The following GGTA1 variants were observed in gnomAD, a reference collection of about 807,000 sequenced individuals.
GGTA1 encodes glycoprotein alpha-galactosyltransferase 1 (inactive).
A neutral mutation model predicts 2.6 loss-of-function variants in GGTA1; 5 were observed. That is an observed-to-expected ratio of 1.92 (90% CI 1.00 to 4.04). GGTA1 has a LOEUF of 4.04. Ranked by LOEUF, GGTA1 falls within the 30% of genes most tolerant of loss-of-function variation. The pLI, the probability that GGTA1 is intolerant of heterozygous loss-of-function variation, is 0.00. For missense variants in GGTA1, 50 were observed against 16.7 expected (o/e 2.99, Z -3.47); for synonymous variants, 17 against 5.0 (o/e 3.38, Z -3.19).
chr9:121,456,847 T>G (rs1046005781), intron 5 of GGTA1, among the ~76,000 whole-genome samples: 1 of 152,146 alleles, frequency 6.6e-6, no homozygotes, highest in South Asian at 2.1e-4. Context: ...AATTTTTTAT[T>G]TTTTTGAAGA....
At position 121,460,140 on chromosome 9, in the gene GGTA1, G is replaced by T. The variant is rs532997022; in HGVS notation, c.262C>A (p.Gln88Lys). 10 of 456,690 alleles carry T rather than the reference G, an allele frequency of 2.2e-5. No homozygotes were observed. Among genetic ancestry groups the T allele is most frequent in the African/African-American group, 4.0e-5 (2 of 50,046 alleles). The allele number at this position is 456,690 out of a possible 1,614,324, so 28.3% of individuals were successfully genotyped here. A position where few individuals can be genotyped will look rare whatever the true frequency, so the allele number is the denominator to read the frequency against. Reference protein sequence around the residue: ...REETKGRKMTQQSFGYGTGLI... With the variant: ...REETKGRKMTKQSFGYGTGLI... ...CCAGTCCCATAGCCGAAGCTCTGTTGTGTCATTTTCCTTCCTTTGGTCTCC... is the reference window on the plus strand; with the variant it reads ...CCAGTCCCATAGCCGAAGCTCTGTTTTGTCATTTTCCTTCCTTTGGTCTCC... The change falls in exon 5 of 6, where the codon CAA becomes AAA. Residue 88 changes from glutamine (Q) to lysine (K), a missense_variant. By Grantham distance (53) the Gln-to-Lys change is moderately conservative (BLOSUM62 1). Transcript: ENST00000481799.
chr9:121,475,399 G>T (rs1481992081), intron 1 of GGTA1, among the ~76,000 whole-genome samples: 1 of 152,188 alleles, frequency 6.6e-6, no homozygotes. Flanking sequence ...TGCCTATGGA[G>T]CAGCCATTCT....
chr9:121,476,443 C>G lies in GGTA1; in HGVS notation c.-9-8512G>C, dbSNP rs1251202864. ...TTCTCTGGCCTCAGACTCCTTGGCC[C>G]AGAAACAAGTCCTTTGGAGCTAAGA... is the stretch of plus-strand genomic sequence containing the variant. On this transcript the variant is annotated intron_variant, in intron 1 of 5. Transcript: ENST00000481799. This position sits in a 1 kb window ranked among gnomAD's most constrained non-coding sequence, Gnocchi z 4.6. 1.3e-5 allele frequency among the ~76,000 whole-genome samples: 2 copies of G among 152,150 alleles called. No individual in the cohort carries two copies. Among genetic ancestry groups the G allele is most frequent in the African/African-American group, 4.8e-5 (2 of 41,434 alleles).
intron 1 of GGTA1, among the ~76,000 whole-genome samples, chr9:121,479,748 T>C (rs1224515224): frequency 2.0e-5 from 3 of 152,192 alleles, no homozygotes; most frequent in Non-Finnish European, 4.4e-5. Flanking sequence ...CAAAGGGCTA[T>C]CTTGAGAGTC....
chr9:121,484,550 C>G (rs1828718205), intron 1 of GGTA1, among the ~76,000 whole-genome samples: 2 of 152,166 alleles, frequency 1.3e-5, no homozygotes, highest in African/African-American at 4.8e-5. Flanking sequence ...TCCCAAAGTA[C>G]TGGGATTATA....
At chr9:121,498,209 G>A (rs780779499) in intron 1 of GGTA1, among the ~76,000 whole-genome samples, 4 of 152,238 alleles carry the variant, frequency 2.6e-5, no homozygotes, top group Non-Finnish European at 5.9e-5. Context: ...TGGCCCTTGA[G>A]GCAGGATGCC....
At chr9:121,454,079 C>T (rs1454889493), downstream of GGTA1, among the ~76,000 whole-genome samples, 1 of 152,126 alleles carries the variant, frequency 6.6e-6, no homozygotes, top group African/African-American at 2.4e-5. Flanking sequence ...GTCCAGATGG[C>T]AGACAGGGGA....
chr9:121,448,396 G>T (rs1201925519), intron 7 of GGTA1, among the ~76,000 whole-genome samples: 1 of 152,114 alleles, frequency 6.6e-6, no homozygotes, highest in Admixed American at 6.5e-5. Context: ...ATCTAGATCT[G>T]CCTTCATGTT....
chr9:121,489,060 A>G (rs1032677675), intron 1 of GGTA1, among the ~76,000 whole-genome samples: 10 of 152,176 alleles, frequency 6.6e-5, no homozygotes, highest in African/African-American at 2.4e-4. Flanking sequence ...TTGCATGTTA[A>G]ATTTTCAAGA....
At chr9:121,488,097 ATGTG>A (rs1024351765) in intron 1 of GGTA1, among the ~76,000 whole-genome samples, 1 of 139,308 alleles carries the variant, frequency 7.2e-6, no homozygotes, top group Non-Finnish European at 1.5e-5. Flanking sequence ...CAGGTTGTGG[ATGTG>A]TGTGTGTGTG....
intron 1 of GGTA1, among the ~76,000 whole-genome samples, chr9:121,469,166 A>G (rs1828325878): frequency 6.6e-6 from 1 of 152,202 alleles, no homozygotes. Flanking sequence ...GCCAGGAAGT[A>G]CTTTAATGTG....
intron 1 of GGTA1, among the ~76,000 whole-genome samples, chr9:121,484,214 T>C (rs1828710275): frequency 6.6e-6 from 1 of 152,122 alleles, no homozygotes; most frequent in African/African-American, 2.4e-5. Context: ...TAAAAAGGGT[T>C]AAAATAGTAA....
At chr9:121,478,286 G>T (rs1260880526) in intron 1 of GGTA1, among the ~76,000 whole-genome samples, 3 of 152,200 alleles carry the variant, frequency 2.0e-5, no homozygotes, top group Non-Finnish European at 4.4e-5. Context: ...GCATTTCCAG[G>T]CACCTTCTGT....
At chr9:121,466,953 C>CAAAAAAAAAA (rs397894554) in intron 2 of GGTA1, among the ~76,000 whole-genome samples, 1 of 99,970 alleles carries the variant, frequency 1.0e-5, no homozygotes. Flanking sequence ...GACTCTGTCT[C>CAAAAAAAAAA]AAAAAAAAAA....
At chr9:121,449,857 A>AAG (rs1554835875) in intron 7 of GGTA1, among the ~76,000 whole-genome samples, 6 of 151,324 alleles carry the variant, frequency 4.0e-5, no homozygotes, top group Non-Finnish European at 7.4e-5. Flanking sequence ...AAAAAAAAAA[A>AAG]AAGAAGAAGA....
downstream of GGTA1, among the ~76,000 whole-genome samples, chr9:121,454,565 A>C (rs2064895707): frequency 6.6e-6 from 1 of 152,206 alleles, no homozygotes. Context: ...GTAGGGGTTA[A>C]AGCTGGGATT....
At chr9:121,465,666 G>A (rs2065000521) in intron 2 of GGTA1, among the ~76,000 whole-genome samples, 1 of 152,178 alleles carries the variant, frequency 6.6e-6, no homozygotes, top group Non-Finnish European at 1.5e-5. Context: ...CAGCCAGGAA[G>A]AGCCCTCACT....
At chr9:121,464,003 C>T (rs1432998774) in intron 2 of GGTA1, among the ~76,000 whole-genome samples, 2 of 152,226 alleles carry the variant, frequency 1.3e-5, no homozygotes, top group Non-Finnish European at 2.9e-5. Flanking sequence ...GCCTAGCACG[C>T]ATAACCCTAC....
At chr9:121,461,145 A>C (rs767767907) in intron 4 of GGTA1, 107 bp downstream of exon 4, 4 of 379,252 alleles carry the variant, frequency 1.1e-5, no homozygotes, top group Non-Finnish European at 2.1e-5. Context: ...TCAATAAGCA[A>C]GAAAGATGAG....
Sources: gnomAD v4.1 joint callset for allele counts (sites outside exome capture counted in the v4.1 genomes callset) on GRCh38, gnomAD v4.1.1 for gene constraint, Gnocchi (gnomAD v3.1) non-coding constraint, MANE v1.5 for transcripts, NCBI Gene and HGNC (gene_info 2026-07-23, HGNC 2026-07-21) for gene names.